The following STK39 variants were observed in gnomAD, a reference collection of about 807,000 sequenced individuals.
STK39 encodes the protein STE20/SPS1-related proline-alanine-rich protein kinase.
A neutral mutation model predicts 77.8 loss-of-function variants in STK39; 20 were observed. The ratio of observed to expected loss-of-function variants is 0.26; its 90% CI spans 0.18 to 0.37. The LOEUF is 0.37. Among genes scored for constraint, STK39 ranks in the 10% least tolerant of loss-of-function variants. The pLI is 1.00. For synonymous variants in STK39, 246 were observed against 234.1 expected (o/e 1.05, Z -0.47); for missense variants, 479 against 656.5 (o/e 0.73, Z 2.95).
intron 1 of STK39, among the ~76,000 whole-genome samples, chr2:168,211,118 C>T (rs555250601): frequency 5.3e-5 from 8 of 152,086 alleles, no homozygotes; most frequent in Non-Finnish European, 1.0e-4. Flanking sequence ...TAAAATCTTG[C>T]ACCCTCAATA....
intron 2 of STK39, among the ~76,000 whole-genome samples, chr2:168,167,846 C>T (rs760621436): frequency 6.6e-5 from 10 of 152,148 alleles, no homozygotes; most frequent in Admixed American, 1.3e-4. Context: ...ATCCAAAAAA[C>T]GACAACAAAA....
intron 1 of STK39, among the ~76,000 whole-genome samples, chr2:168,246,899 G>A (rs1048636272): frequency 3.3e-5 from 5 of 151,880 alleles, no homozygotes; most frequent in Middle Eastern, 6.9e-3. Context: ...GGCACGCGGG[G>A]GGAGGAAGAT....
chr2:168,007,372 G>C (rs1684156981), intron 16 of STK39, among the ~76,000 whole-genome samples: 1 of 152,106 alleles, frequency 6.6e-6, no homozygotes, highest in Non-Finnish European at 1.5e-5. Flanking sequence ...AATGGGATTT[G>C]TTTATCTCTA....
chr2:168,167,044 C>T (rs1688709776), intron 3 of STK39, among the ~76,000 whole-genome samples: 1 of 152,074 alleles, frequency 6.6e-6, no homozygotes. Context: ...CCGGGGGCTG[C>T]CTCTCAGCCT....
intron 17 of STK39, among the ~76,000 whole-genome samples, chr2:167,957,197 T>C (rs1250105250): frequency 6.6e-6 from 1 of 152,160 alleles, no homozygotes; most frequent in Non-Finnish European, 1.5e-5. Flanking sequence ...TATGCTTATG[T>C]AAAAAAGTCA....
At chr2:168,053,743 A>G (rs1380912494) in intron 14 of STK39, among the ~76,000 whole-genome samples, 1 of 152,202 alleles carries the variant, frequency 6.6e-6, no homozygotes, top group African/African-American at 2.4e-5. Context: ...GTTTACCAGC[A>G]GAAGGATTTT....
chr2:168,068,680 GA>G (rs1685860267), intron 12 of STK39, among the ~76,000 whole-genome samples: 1 of 152,154 alleles, frequency 6.6e-6, no homozygotes, highest in Non-Finnish European at 1.5e-5. Context: ...CAGATTTCTG[GA>G]TTTCTGAAAA....
intron 10 of STK39, among the ~76,000 whole-genome samples, chr2:168,123,436 G>A (rs901408073): frequency 6.6e-6 from 1 of 152,182 alleles, no homozygotes; most frequent in East Asian, 1.9e-4. Context: ...ATACAGTGAA[G>A]TATATTTAGA....
chr2:168,153,668 A>C (rs2105564366), intron 5 of STK39, among the ~76,000 whole-genome samples: 1 of 152,214 alleles, frequency 6.6e-6, no homozygotes, highest in East Asian at 1.9e-4. Context: ...GAGGCCTGGA[A>C]GTCTCACTGA....
At chr2:168,204,920 T>C (rs1689702618) in intron 1 of STK39, among the ~76,000 whole-genome samples, 1 of 152,238 alleles carries the variant, frequency 6.6e-6, no homozygotes, top group Non-Finnish European at 1.5e-5. Context: ...AGAATACGAA[T>C]TCCTTTGTAT....
Position 168,014,293 on chromosome 2 carries a change from T to C in STK39, c.1430-1591A>G, listed in dbSNP as rs1054770606. Among the ~76,000 whole-genome samples the C allele has an allele frequency of 3.3e-5, 5 of 151,974 alleles. No individual in the cohort carries two copies. The South Asian group carries it at 1.0e-3, about 31-fold the overall frequency. ...TGAGCCCAGGAGTTACAGACCAGTCTGGGCAACATAGGGAGACGCCATCTC... is the reference window on the plus strand; with the variant it reads ...TGAGCCCAGGAGTTACAGACCAGTCCGGGCAACATAGGGAGACGCCATCTC... On this transcript the variant is annotated intron_variant, in intron 15 of 17. Coordinates refer to ENST00000355999, the MANE Select transcript of STK39 (RefSeq NM_013233.3).
rs183188363 is a variant in STK39, at chr2:168,058,725, A to G, written c.1376+4775T>C. The stretch of plus-strand genomic sequence containing the variant: ...TTCTTTCTCCCCAATCTGGAATCCA[A>G]TAATTGCTTACCACTTCCGTTAATC... On this transcript the variant is annotated intron_variant, in intron 14 of 17. Coordinates refer to ENST00000355999, the MANE Select transcript of STK39 (RefSeq NM_013233.3). Among the ~76,000 whole-genome samples the G allele has an allele frequency of 1.9e-4, 29 of 152,342 alleles. No homozygotes were observed. The East Asian group carries it at 5.4e-3, about 28-fold the overall frequency.
At chr2:167,973,289 G>T in intron 16 of STK39, among the ~76,000 whole-genome samples, 1 of 152,200 alleles carries the variant, frequency 6.6e-6, no homozygotes, top group African/African-American at 2.4e-5. Context: ...TTTGCTAAAT[G>T]CTTTAAGGTC....
At chr2:168,036,398 G>A (rs1684955229) in intron 14 of STK39, among the ~76,000 whole-genome samples, 1 of 150,258 alleles carries the variant, frequency 6.7e-6, no homozygotes, top group Admixed American at 6.6e-5. Flanking sequence ...AGGAAAACAG[G>A]TGCCACATTA....
chr2:168,054,485 A>AT (rs1327504059), intron 14 of STK39, among the ~76,000 whole-genome samples: 3 of 152,250 alleles, frequency 2.0e-5, no homozygotes, highest in Non-Finnish European at 2.9e-5. Context: ...TTTTTGAAGG[A>AT]TACCACTAAT....
intron 10 of STK39, among the ~76,000 whole-genome samples, chr2:168,102,929 CAAAAAAAA>C (rs35442749): frequency 6.0e-5 from 3 of 50,086 alleles, no homozygotes; most frequent in African/African-American, 2.1e-4. Flanking sequence ...GAATCCGTCT[CAAAAAAAA>C]AAAAAAAAAA....
At chr2:168,233,706 G>A (rs896004271) in intron 1 of STK39, among the ~76,000 whole-genome samples, 1 of 152,148 alleles carries the variant, frequency 6.6e-6, no homozygotes, top group Non-Finnish European at 1.5e-5. Context: ...CCTAATTAGG[G>A]TTAATTTCAG....
chr2:167,968,832 A>C (rs1692236143), intron 16 of STK39, among the ~76,000 whole-genome samples: 1 of 152,238 alleles, frequency 6.6e-6, no homozygotes, highest in African/African-American at 2.4e-5. Flanking sequence ...TTTTAATTAG[A>C]TTTCTTTGAA....
chr2:168,024,014 T>C (rs1294911577), intron 14 of STK39, among the ~76,000 whole-genome samples: 1 of 152,186 alleles, frequency 6.6e-6, no homozygotes, highest in African/African-American at 2.4e-5. Flanking sequence ...ACACACTCAA[T>C]TCCTGGACTA....
Sources: allele counts gnomAD v4.1 joint callset (sites outside exome capture counted in the v4.1 genomes callset), GRCh38; gene constraint gnomAD v4.1.1; transcripts MANE v1.5; gene names NCBI Gene and HGNC (gene_info 2026-07-23, HGNC 2026-07-21).